ONECUT1: variants seen among roughly 807,000 people sequenced by gnomAD.
The protein encoded by ONECUT1 is hepatocyte nuclear factor 6.
Under a neutral mutation model 25.6 loss-of-function variants are expected in ONECUT1, and 12 were observed. The observed-to-expected ratio is 0.47, with a 90% CI of 0.30 to 0.76. The LOEUF is 0.76. Ranked by LOEUF, ONECUT1 falls within the 30% of genes least tolerant of loss-of-function variation. The pLI, the probability that ONECUT1 is intolerant of heterozygous loss-of-function variation, is 0.07. For missense variants in ONECUT1, 620 were observed against 651.2 expected (o/e 0.95, Z 0.52); for synonymous variants, 285 against 270.2 (o/e 1.05, Z -0.54).
intron 1 of ONECUT1, among the ~76,000 whole-genome samples, chr15:52,776,945 T>C (rs1375235415): frequency 2.0e-5 from 3 of 152,136 alleles, no homozygotes; most frequent in Non-Finnish European, 2.9e-5. Context: ...CAGATTCAGG[T>C]TCAGTAGGTG....
chr15:52,781,128 A>G (rs1198525416), intron 1 of ONECUT1: 1 of 157,356 alleles, frequency 6.4e-6, no homozygotes, highest in Non-Finnish European at 1.4e-5. Flanking sequence ...CAGAATGCCA[A>G]TGCCTGAAGG....
At chr15:52,782,395 C>T (rs923400456) in intron 1 of ONECUT1, among the ~76,000 whole-genome samples, 1 of 152,254 alleles carries the variant, frequency 6.6e-6, no homozygotes, top group Non-Finnish European at 1.5e-5. Context: ...TATTAACATA[C>T]TTGTATTAAA....
intron 1 of ONECUT1, among the ~76,000 whole-genome samples, chr15:52,758,250 T>C (rs1397163498): frequency 2.0e-5 from 3 of 152,194 alleles, no homozygotes; most frequent in Non-Finnish European, 2.9e-5. Flanking sequence ...AAATAGTGTA[T>C]GCAAAAGTTT....
At position 52,789,439 on chromosome 15, in the gene ONECUT1, A is replaced by C; in HGVS notation, c.446T>G (p.Phe149Cys). ...QRLAGNVSGS[F>C]TLMRDERGLA... ...CCCGCGCTCATCCCGCATGAGCGTG[A>C]AGCTACCGCTCACGTTGCCCGCCAG... The change falls in exon 1 of 2, where the codon TTC (phenylalanine) becomes TGC (cysteine). Residue 149 changes from phenylalanine to cysteine, a missense_variant. Phe to Cys is a radical substitution (Grantham distance 205). Around this residue, in one of 4 missense-constraint regions of ONECUT1, gnomAD observed 440 missense variants for 404.9 expected, o/e 1.09. Coordinates refer to ENST00000305901, the MANE Select transcript of ONECUT1 (RefSeq NM_004498.4). This position sits in a 1 kb window ranked among gnomAD's most constrained non-coding sequence, Gnocchi z 4.1. 1 of 1,613,732 alleles carries C rather than the reference A, an allele frequency of 6.2e-7. No individual in the cohort carries two copies. Among genetic ancestry groups the C allele is most frequent in the South Asian group, 1.1e-5 (1 of 91,054 alleles).
intron 1 of ONECUT1, among the ~76,000 whole-genome samples, chr15:52,772,186 A>C (rs892742283): frequency 1.3e-5 from 2 of 152,016 alleles, no homozygotes; most frequent in African/African-American, 2.4e-5. Flanking sequence ...TGAGGTCAGG[A>C]GATCGAGACC....
At chr15:52,773,747 C>G in intron 1 of ONECUT1, among the ~76,000 whole-genome samples, 1 of 152,162 alleles carries the variant, frequency 6.6e-6, no homozygotes, top group Non-Finnish European at 1.5e-5. Flanking sequence ...ACACAGGAGT[C>G]AGAGGGAAAG....
intron 1 of ONECUT1, among the ~76,000 whole-genome samples, chr15:52,775,913 A>G (rs2083796924): frequency 6.6e-6 from 1 of 152,188 alleles, no homozygotes; most frequent in Non-Finnish European, 1.5e-5. Flanking sequence ...TTGTTTATAG[A>G]TAGACAGCTC....
At chr15:52,761,191 T>C (rs1338266001) in intron 1 of ONECUT1, among the ~76,000 whole-genome samples, 1 of 152,176 alleles carries the variant, frequency 6.6e-6, no homozygotes, top group Non-Finnish European at 1.5e-5. Context: ...GAGCACTCCA[T>C]ATAATTGGAT....
rs144734441 is a variant in ONECUT1, at chr15:52,764,330, T to C, written c.1106-6483A>G. Among the ~76,000 whole-genome samples the C allele has an allele frequency of 1.2e-4, 18 of 152,348 alleles. No individual in the cohort carries two copies. In the East Asian group the frequency reaches 3.5e-3, roughly 29 times the overall value. On this transcript the variant is annotated intron_variant, in intron 1 of 1. Coordinates refer to ENST00000305901, the MANE Select transcript of ONECUT1 (RefSeq NM_004498.4). Reference sequence around the variant, plus strand: ...ATCAATATTATGAATTTGGGGATTATGTTTCCAACACATGAAATTTGGGGG... The same window carrying C: ...ATCAATATTATGAATTTGGGGATTACGTTTCCAACACATGAAATTTGGGGG...
Position 52,788,862 on chromosome 15 carries a change from T to C in ONECUT1, c.1023A>G (p.Lys341=). Residue 341 remains lysine (K), a synonymous_variant, in exon 1 of 2, where the codon AAA becomes AAG. Transcript: ENST00000305901. The surrounding 1 kb of genome is among the most constrained non-coding windows in gnomAD (Gnocchi z 4.3). The stretch of plus-strand genomic sequence containing the variant: ...TCCTCCGGAAGGTCTCCCGGCCGGA[T>C]TTGAGTTTGCTCCAGGGTTTGGGGT... ...LRNPKPWSKL[K]SGRETFRRMW... 1.2e-6 allele frequency: 2 copies of C among 1,614,062 alleles called. No individual in the cohort carries two copies. Among genetic ancestry groups the C allele is most frequent in the Non-Finnish European group, 8.5e-7 (1 of 1,179,976 alleles).
At position 52,756,289 on chromosome 15, in the gene ONECUT1, G is replaced by A. The variant is rs917931805; in HGVS notation, c.*1266C>T. On this transcript the variant is annotated 3_prime_UTR_variant, in exon 2 of 2. Transcript: ENST00000305901. Reference sequence around the variant, plus strand: ...CTGAATAGCTCATTTGAATAATAATGTTGTTTTTTTAAACTTTATTTGTAT... The same window carrying A: ...CTGAATAGCTCATTTGAATAATAATATTGTTTTTTTAAACTTTATTTGTAT... Among the ~76,000 whole-genome samples the A allele has an allele frequency of 2.8e-4, 42 of 152,108 alleles. No homozygotes were observed. The highest frequency in any genetic ancestry group is 9.4e-4 in the African/African-American group (39 of 41,410).
chr15:52,773,337 A>C (rs1256741478), intron 1 of ONECUT1, among the ~76,000 whole-genome samples: 1 of 152,158 alleles, frequency 6.6e-6, no homozygotes, highest in African/African-American at 2.4e-5. Context: ...GCAGGGAAAA[A>C]TCCTCTGAGG....
chr15:52,789,014 C>T lies in ONECUT1; in HGVS notation c.871G>A (p.Glu291Lys), dbSNP rs761790134. ...SNGSNSGQMEEINTKEVAQRI... is the reference protein window; with the variant it reads ...SNGSNSGQMEKINTKEVAQRI... ...TGCGCCACCTCTTTGGTATTGATCT[C>T]TTCCATCTGCCCTGAATTACTTCCA... The change falls in exon 1 of 2, where the codon GAG becomes AAG. Residue 291 changes from glutamate to lysine, a missense_variant. Transcript: ENST00000305901. This position sits in a 1 kb window ranked among gnomAD's most constrained non-coding sequence, Gnocchi z 4.1. 1.2e-6 allele frequency: 2 copies of T among 1,608,766 alleles called. No individual in the cohort carries two copies. Among genetic ancestry groups the T allele is most frequent in the South Asian group, 1.1e-5 (1 of 91,086 alleles).
rs911337559 is a variant in ONECUT1 at position 52,757,390 on chromosome 15, C to T, written c.*165G>A. The stretch of plus-strand genomic sequence containing the variant: ...TGAAGTGTGTGTCTCCAAACAAAGT[C>T]AGAATGCAGGTGAGCTAAGTCTTTG... On this transcript the variant is annotated 3_prime_UTR_variant, in exon 2 of 2. Transcript: ENST00000305901. 65 of 749,526 alleles carry T rather than the reference C, an allele frequency of 8.7e-5. No individual in the cohort carries two copies. The Admixed American group carries it at 1.7e-3, about 19-fold the overall frequency. 46.4% of individuals were successfully genotyped at this position (749,526 alleles called of 1,614,324 possible).
chr15:52,775,121 C>T (rs141518745), intron 1 of ONECUT1, among the ~76,000 whole-genome samples: 1,789 of 149,010 alleles, frequency 0.012, 32 homozygotes, highest in African/African-American at 0.043. Flanking sequence ...ACCCAGGAGG[C>T]GGAGGTTGTA....
At chr15:52,786,891 T>C (rs1362651639) in intron 1 of ONECUT1, 2 of 152,390 alleles carry the variant, frequency 1.3e-5, no homozygotes, top group South Asian at 2.1e-4. Flanking sequence ...GCCTTCTCCA[T>C]TTCTATCTTC....
chr15:52,780,231 G>A (rs1025786035), intron 1 of ONECUT1, among the ~76,000 whole-genome samples: 1 of 152,130 alleles, frequency 6.6e-6, no homozygotes, highest in African/African-American at 2.4e-5. Context: ...CTGGGGTGGG[G>A]GGCTTGGAGG....
intron 1 of ONECUT1, among the ~76,000 whole-genome samples, chr15:52,783,556 C>G (rs1031356528): frequency 6.6e-6 from 1 of 152,240 alleles, no homozygotes; most frequent in African/African-American, 2.4e-5. Context: ...CCTCCGAAGG[C>G]CCTTTCACCC....
At chr15:52,759,910 A>G (rs1324210878) in intron 1 of ONECUT1, among the ~76,000 whole-genome samples, 2 of 152,102 alleles carry the variant, frequency 1.3e-5, no homozygotes, top group African/African-American at 4.8e-5. Context: ...CAATACTAAA[A>G]TTTTTAAAGG....
Sources: allele counts gnomAD v4.1 joint callset (sites outside exome capture counted in the v4.1 genomes callset), GRCh38; gene constraint gnomAD v4.1.1; regional missense constraint gnomAD v4.1.1; non-coding constraint Gnocchi (gnomAD v3.1); transcripts MANE v1.5; gene names NCBI Gene and HGNC (gene_info 2026-07-23, HGNC 2026-07-21).